The following EIF2S1 variants were observed in gnomAD, a reference collection of about 807,000 sequenced individuals.
The protein encoded by EIF2S1 is eukaryotic translation initiation factor 2 subunit 1.
A neutral mutation model predicts 33.5 loss-of-function variants in EIF2S1; 5 were observed. That is an observed-to-expected ratio of 0.15 (90% CI 0.08 to 0.31). EIF2S1 has a LOEUF of 0.31. Ranked by LOEUF, EIF2S1 falls within the 10% of genes least tolerant of loss-of-function variation. The pLI, the probability that EIF2S1 is intolerant of heterozygous loss-of-function variation, is 1.00. For synonymous variants in EIF2S1, 99 were observed against 127.5 expected (o/e 0.78, Z 1.51); for missense variants, 191 against 384.6 (o/e 0.50, Z 4.21).
At chr14:67,381,458 A>G in intron 5 of EIF2S1, 135 bp from the exon 6 acceptor site, 1 of 544,846 alleles carries the variant, frequency 1.8e-6, no homozygotes, top group Non-Finnish European at 3.2e-6. Flanking sequence ...TTTATAAATA[A>G]GGAACTGCAG....
chr14:67,375,280 GTGTC>G lies in EIF2S1; in HGVS notation c.321+734_321+737del, dbSNP rs1339952842. 4.5e-5 allele frequency among the ~76,000 whole-genome samples: 6 copies of G among 133,310 alleles called. No homozygotes were observed. The South Asian group carries it at 1.2e-3, about 27-fold the overall frequency. 87.5% of individuals were successfully genotyped at this position (133,310 alleles called of 152,430 possible). A position where few individuals can be genotyped will look rare whatever the true frequency, so the allele number is the denominator to read the frequency against. On this transcript the variant is annotated intron_variant, in intron 3 of 7. Coordinates refer to ENST00000256383, the MANE Select transcript of EIF2S1 (RefSeq NM_004094.5). ...TGTGTGTGTGTGTGTGTGTGTGTGT[GTGTC>G]ACAAAGTCTTTCCCAGACTGGAGTG...
In EIF2S1 at chr14:67,386,381, C is replaced by T. The variant is rs1316497277; in HGVS notation, c.*2941C>T. On this transcript the variant is annotated 3_prime_UTR_variant, in exon 8 of 8. Coordinates refer to ENST00000256383, the MANE Select transcript of EIF2S1 (RefSeq NM_004094.5). Reference sequence around the variant, plus strand: ...TTAAGCACTTTGAGGTATCCACTCCCCTTAAATGTAAGTTATGTATTTTAT... The same window carrying T: ...TTAAGCACTTTGAGGTATCCACTCCTCTTAAATGTAAGTTATGTATTTTAT... The T allele has an allele frequency of 6.6e-6, 1 of 152,214 alleles. No homozygotes were observed. The highest frequency in any genetic ancestry group is 1.5e-5 in the Non-Finnish European group (1 of 68,026). 9.4% of individuals were successfully genotyped at this position (152,214 alleles called of 1,614,324 possible).
chr14:67,373,498 A>C (rs900997652), intron 2 of EIF2S1, among the ~76,000 whole-genome samples: 3 of 152,224 alleles, frequency 2.0e-5, no homozygotes, highest in Admixed American at 6.5e-5. Context: ...GGAATTTCCT[A>C]ATCTGATAAA....
At chr14:67,375,774 G>GT (rs550948205) in intron 3 of EIF2S1, among the ~76,000 whole-genome samples, 225 of 152,182 alleles carry the variant, frequency 1.5e-3, no homozygotes, top group African/African-American at 5.2e-3. Flanking sequence ...GACATCACCT[G>GT]TTTTTTTAGA....
chr14:67,361,927 C>G (rs2085744832), intron 1 of EIF2S1, among the ~76,000 whole-genome samples: 1 of 151,604 alleles, frequency 6.6e-6, no homozygotes, highest in Admixed American at 6.6e-5. Context: ...TCACTGTGCC[C>G]TTTCATAGTA....
At chr14:67,372,835 AAAC>A (rs1354311857) in intron 2 of EIF2S1, among the ~76,000 whole-genome samples, 50 of 152,140 alleles carry the variant, frequency 3.3e-4, no homozygotes, top group African/African-American at 1.2e-3. Flanking sequence ...TCAAAAAAAA[AAAC>A]AAAAAACAAA....
chr14:67,360,968 T>C (rs2085733731), intron 1 of EIF2S1, among the ~76,000 whole-genome samples: 1 of 152,116 alleles, frequency 6.6e-6, no homozygotes, highest in South Asian at 2.1e-4. Context: ...GGGGTCCGAG[T>C]AGTTTTTCAT....
Position 67,364,892 on chromosome 14 carries a change from T to C in EIF2S1, c.125T>C (p.Ile42Thr). The change falls in exon 2 of 8, where the codon ATT becomes ACT. Residue 42 changes from isoleucine to threonine, a missense_variant. Transcript: ENST00000256383. ...AYVSLLEYNN[I>T]EGMILLSELS... ...GTCAGCTTGCTGGAATACAACAACA[T>C]TGAAGGCATGATTCTTCTTAGTGAA... The C allele has an allele frequency of 6.2e-7, 1 of 1,614,064 alleles. No individual in the cohort carries two copies. Among genetic ancestry groups the C allele is most frequent in the Non-Finnish European group, 8.5e-7 (1 of 1,179,960 alleles).
chr14:67,382,870 T>G (rs1215304241), intron 7 of EIF2S1, among the ~76,000 whole-genome samples: 1 of 151,992 alleles, frequency 6.6e-6, no homozygotes, highest in Non-Finnish European at 1.5e-5. Context: ...GTCTTTTCCT[T>G]GTCCAACAAG....
intron 5 of EIF2S1, 89 bp downstream of exon 5, chr14:67,380,854 A>T (rs1360756364): frequency 3.3e-6 from 2 of 597,150 alleles, no homozygotes; most frequent in African/African-American, 3.9e-5. Flanking sequence ...ATATGTTGCT[A>T]CATCAACATC....
rs541791101 is a variant in EIF2S1 at position 67,379,654 on chromosome 14, C to CTTT, written c.474-989_474-987dup. On this transcript the variant is annotated intron_variant, in intron 4 of 7. Transcript: ENST00000256383. ...GACATAACTTTCTTTTTTTCTTTTTCTTTTTTTTTTTTTTTTTTGAGACGG... is the reference window on the plus strand; with the variant it reads ...GACATAACTTTCTTTTTTTCTTTTTCTTTTTTTTTTTTTTTTTTTTTGAGACGG... Among the ~76,000 whole-genome samples the CTTT allele has an allele frequency of 3.3e-4, 40 of 119,942 alleles. 1 individual carries two copies. The highest frequency in any genetic ancestry group is 5.1e-4 in the African/African-American group (14 of 27,654). 78.7% of individuals were successfully genotyped at this position (119,942 alleles called of 152,430 possible). A position where few individuals can be genotyped will look rare whatever the true frequency, so the allele number is the denominator to read the frequency against.
At chr14:67,376,327 C>A in intron 3 of EIF2S1, 112 bp from the exon 4 acceptor site, 1 of 1,086,494 alleles carries the variant, frequency 9.2e-7, no homozygotes, top group Non-Finnish European at 1.3e-6. Context: ...CTATGGAGAT[C>A]TTTTATTGTT....
rs1595653049 is a variant in EIF2S1, at chr14:67,386,250, A to G, written c.*2810A>G. The G allele has an allele frequency of 6.5e-6, 1 of 152,678 alleles. No individual in the cohort carries two copies. Among genetic ancestry groups the G allele is most frequent in the East Asian group, 1.9e-4 (1 of 5,202 alleles). The allele number at this position is 152,678 out of a possible 1,614,324, so 9.5% of individuals were successfully genotyped here. On this transcript the variant is annotated 3_prime_UTR_variant, in exon 8 of 8. Coordinates refer to ENST00000256383, the MANE Select transcript of EIF2S1 (RefSeq NM_004094.5). ...TTTAAAAGGTAGTCTCTTACCATAT[A>G]AGGAATAAGTAAAACATTAGCTTGT... is the stretch of plus-strand genomic sequence containing the variant.
intron 5 of EIF2S1, among the ~76,000 whole-genome samples, chr14:67,381,307 A>G (rs2085886684): frequency 6.6e-6 from 1 of 152,184 alleles, no homozygotes; most frequent in Non-Finnish European, 1.5e-5. Flanking sequence ...TACATACTTA[A>G]CCATTTACAC....
At chr14:67,378,693 C>T (rs2085870620) in intron 4 of EIF2S1, among the ~76,000 whole-genome samples, 2 of 152,234 alleles carry the variant, frequency 1.3e-5, no homozygotes, top group Non-Finnish European at 2.9e-5. Flanking sequence ...CTTGTTACCA[C>T]TAAACCTTGG....
intron 2 of EIF2S1, among the ~76,000 whole-genome samples, chr14:67,370,053 C>T (rs918107683): frequency 5.3e-5 from 8 of 152,218 alleles, no homozygotes; most frequent in Non-Finnish European, 8.8e-5. Context: ...CTAAAAGTAT[C>T]CCTTATGGGA....
intron 2 of EIF2S1, among the ~76,000 whole-genome samples, chr14:67,367,846 AAGAG>A (rs1054158519): frequency 1.3e-5 from 2 of 152,086 alleles, no homozygotes; most frequent in Admixed American, 6.5e-5. Context: ...AAAAAAAAAA[AAGAG>A]AGAGGTGAAG....
At chr14:67,382,321 T>C (rs982713716) in intron 6 of EIF2S1, 126 bp from the exon 7 acceptor site, 48 of 792,570 alleles carry the variant, frequency 6.1e-5, no homozygotes, top group Non-Finnish European at 9.3e-5. Context: ...ATTACTGTCC[T>C]GTAGAATTGG....
In EIF2S1 at chr14:67,379,708, G is replaced by A. The variant is rs377420238; in HGVS notation, c.474-951G>A. Among the ~76,000 whole-genome samples, 124 of 125,472 alleles carry A rather than the reference G, an allele frequency of 9.9e-4. 2 individuals are homozygous for A. In the East Asian group the frequency reaches 0.015, roughly 16 times the overall value. 82.3% of individuals were successfully genotyped at this position (125,472 alleles called of 152,430 possible). A position where few individuals can be genotyped will look rare whatever the true frequency, so the allele number is the denominator to read the frequency against. ...CTCGCTCTGTCGCCCAGGCTGGAGT[G>A]CAGTGGCGGGATCTCGGCTCACTGC... On this transcript the variant is annotated intron_variant, in intron 4 of 7. Coordinates refer to ENST00000256383, the MANE Select transcript of EIF2S1 (RefSeq NM_004094.5).
Sources: allele counts gnomAD v4.1 joint callset (sites outside exome capture counted in the v4.1 genomes callset), GRCh38; gene constraint gnomAD v4.1.1; transcripts MANE v1.5; gene names NCBI Gene and HGNC (gene_info 2026-07-23, HGNC 2026-07-21).